TENM1: variants seen among roughly 807,000 people sequenced by gnomAD.
The protein encoded by TENM1 is teneurin-1.
TENM1 carries 35 observed loss-of-function variants against 174.8 expected under a neutral mutation model. The ratio of observed to expected loss-of-function variants is 0.20; its 90% CI spans 0.15 to 0.27. The LOEUF (loss-of-function observed/expected upper bound fraction) is 0.27, where lower values mean the gene tolerates loss of function less well. Ranked by LOEUF, TENM1 falls within the 10% of genes least tolerant of loss-of-function variation. TENM1 has a pLI of 1.00. For synonymous variants in TENM1, 781 were observed against 798.7 expected (o/e 0.98, Z 0.37); for missense variants, 1,633 against 2,130.1 (o/e 0.77, Z 4.59).
chrX:125,124,193 A>G, the TENM1 span, among the ~76,000 whole-genome samples: 2 of 112,645 alleles, frequency 1.8e-5, no homozygotes, highest in Admixed American at 1.9e-4. Flanking sequence ...CAAGTATTCA[A>G]TTAAAAGGGC....
the TENM1 span, among the ~76,000 whole-genome samples, chrX:125,024,432 A>G: frequency 9.0e-6 from 1 of 110,784 alleles, no homozygotes; most frequent in Non-Finnish European, 1.9e-5. Flanking sequence ...TCAGCCATAA[A>G]AAAAGTGAAT....
At chrX:124,488,755 T>C (rs951564401) in intron 20 of TENM1, among the ~76,000 whole-genome samples, 4 of 112,353 alleles carry the variant, frequency 3.6e-5, no homozygotes, top group African/African-American at 1.3e-4. Context: ...CCTGAAAGTT[T>C]AGTTGTGAAA....
rs568219598 is a variant in TENM1 at position 124,535,640 on chromosome X, C to T, written c.2652-5657G>A. On this transcript the variant is annotated intron_variant, in intron 15 of 31. Coordinates refer to ENST00000422452, the Ensembl canonical transcript of TENM1. ...CAATGCTCATACTTGTGTTATTGCA[C>T]TTATCATAACCGGTCTTGGATGACA... is the stretch of plus-strand genomic sequence containing the variant. Among the ~76,000 whole-genome samples, 21 of 112,087 alleles carry T rather than the reference C, an allele frequency of 1.9e-4. No individual in the cohort carries two copies. The South Asian group carries it at 7.5e-3, about 40-fold the overall frequency.
At chrX:124,415,670 T>C (rs1241754997) in intron 25 of TENM1, among the ~76,000 whole-genome samples, 1 of 111,659 alleles carries the variant, frequency 9.0e-6, no homozygotes, top group African/African-American at 3.3e-5. Flanking sequence ...ACTACCCCCA[T>C]GTGGATGTCT....
intron 5 of TENM1, among the ~76,000 whole-genome samples, chrX:124,674,303 C>CAA (rs745969451): frequency 0.057 from 946 of 16,617 alleles, 128 homozygotes; most frequent in Middle Eastern, 0.12. Context: ...TATCAAAAGG[C>CAA]AAAAAAAAAA....
At chrX:125,138,885 C>A in the TENM1 span, among the ~76,000 whole-genome samples, 1 of 110,618 alleles carries the variant, frequency 9.0e-6, no homozygotes, top group East Asian at 2.8e-4. Flanking sequence ...TTGCCCGAAT[C>A]CCCCATCCCT....
At chrX:124,743,481 G>C (rs1040310050) in intron 3 of TENM1, among the ~76,000 whole-genome samples, 1 of 111,717 alleles carries the variant, frequency 9.0e-6, no homozygotes, top group Non-Finnish European at 1.9e-5. Flanking sequence ...AAATAGAGAG[G>C]AGATATCACA....
intron 5 of TENM1, among the ~76,000 whole-genome samples, chrX:124,682,786 C>G (rs1168489137): frequency 1.8e-5 from 2 of 110,745 alleles, no homozygotes; most frequent in Non-Finnish European, 3.8e-5. Context: ...AAAAAACAAC[C>G]TGGCCAGTGC....
Position 124,523,761 on chromosome X carries a change from A to G in TENM1, c.2772-136T>C. ...TCCACTTGTATTGTCTATTTTATAAATTCTCTCTAGCAATGTATTCATTCC... is the reference window on the plus strand; with the variant it reads ...TCCACTTGTATTGTCTATTTTATAAGTTCTCTCTAGCAATGTATTCATTCC... On this transcript the variant is annotated intron_variant, in intron 16 of 31. Transcript: ENST00000422452. 3.1e-6 allele frequency: 2 copies of G among 636,390 alleles called. 1 individual carries two copies. The highest frequency in any genetic ancestry group is 6.1e-5 in the South Asian group (2 of 32,709). 52.4% of individuals were successfully genotyped at this position (636,390 alleles called of 1,213,427 possible).
At chrX:124,887,370 C>G (rs1181821973) in intron 3 of TENM1, among the ~76,000 whole-genome samples, 1 of 111,164 alleles carries the variant, frequency 9.0e-6, no homozygotes, top group Non-Finnish European at 1.9e-5. Context: ...TATGTGATCC[C>G]ATTTGTACAT....
chrX:124,920,230 C>T (rs1206747528), intron 1 of TENM1, among the ~76,000 whole-genome samples: 12 of 111,291 alleles, frequency 1.1e-4, no homozygotes, highest in Admixed American at 7.7e-4. Flanking sequence ...AATACATAAA[C>T]ACATAAGCAT....
chrX:124,550,958 C>A (rs2048548678), intron 14 of TENM1, among the ~76,000 whole-genome samples: 1 of 111,686 alleles, frequency 9.0e-6, no homozygotes, highest in Non-Finnish European at 1.9e-5. Flanking sequence ...TGGGGCTTCA[C>A]CATGTTGGCC....
At chrX:125,072,725 TA>T in the TENM1 span, among the ~76,000 whole-genome samples, 3 of 110,615 alleles carry the variant, frequency 2.7e-5, no homozygotes, top group East Asian at 5.7e-4. Context: ...AATAATAAAA[TA>T]AAAAAAAGAA....
intron 5 of TENM1, among the ~76,000 whole-genome samples, chrX:124,685,493 T>C (rs1263008281): frequency 1.8e-5 from 2 of 109,700 alleles, no homozygotes; most frequent in Admixed American, 9.7e-5. Context: ...AATTACTCAG[T>C]AGGAGGAACG....
At chrX:124,857,360 G>A (rs1260792856) in intron 3 of TENM1, among the ~76,000 whole-genome samples, 2 of 111,550 alleles carry the variant, frequency 1.8e-5, no homozygotes, top group African/African-American at 6.5e-5. Context: ...TCCATCAACT[G>A]GTGAATGAAC....
intron 4 of TENM1, among the ~76,000 whole-genome samples, chrX:124,720,942 T>C (rs2053296513): frequency 8.9e-6 from 1 of 111,976 alleles, no homozygotes; most frequent in African/African-American, 3.2e-5. Context: ...AACTTGCAAT[T>C]AATTAGAATC....
At chrX:124,850,619 C>T (rs2056699784) in intron 3 of TENM1, among the ~76,000 whole-genome samples, 1 of 111,021 alleles carries the variant, frequency 9.0e-6, no homozygotes, top group Admixed American at 9.6e-5. Flanking sequence ...GGAGGAATGA[C>T]TCGATTTTAT....
chrX:124,584,190 C>T (rs2049420583), intron 11 of TENM1, among the ~76,000 whole-genome samples: 1 of 109,576 alleles, frequency 9.1e-6, no homozygotes, highest in Non-Finnish European at 1.9e-5. Context: ...GAGAATGGCA[C>T]AAAGATACTC....
chrX:125,023,982 C>T, the TENM1 span, among the ~76,000 whole-genome samples: 1 of 112,140 alleles, frequency 8.9e-6, no homozygotes, highest in Non-Finnish European at 1.9e-5. Context: ...CAAAAAAATG[C>T]TCAACATCAT....
Sources: gnomAD v4.1 joint callset for allele counts (sites outside exome capture counted in the v4.1 genomes callset) on GRCh38, gnomAD v4.1.1 for gene constraint, MANE v1.5 for transcripts, NCBI Gene and HGNC (gene_info 2026-07-23, HGNC 2026-07-21) for gene names.